Variants in DNAH14 observed in about 807,000 individuals in gnomAD.
The protein encoded by DNAH14 is axonemal beta dynein heavy chain 14.
A neutral mutation model predicts 520.9 loss-of-function variants in DNAH14; 478 were observed. That is an observed-to-expected ratio of 0.92 (90% CI 0.85 to 0.99). DNAH14 has a LOEUF of 0.99. Among genes scored for constraint, DNAH14 ranks in the 50% least tolerant of loss-of-function variants. The pLI, the probability that DNAH14 is intolerant of heterozygous loss-of-function variation, is 0.00. For synonymous variants in DNAH14, 1,581 were observed against 1,757.2 expected (o/e 0.90, Z 2.51); for missense variants, 4,831 against 5,234.5 (o/e 0.92, Z 2.38).
chr1:225,114,747 G>C (rs1227195915), intron 23 of DNAH14, among the ~76,000 whole-genome samples: 1 of 152,126 alleles, frequency 6.6e-6, no homozygotes, highest in South Asian at 2.1e-4. Context: ...TATGTCCAGT[G>C]TTGGCAGCAC....
At chr1:225,043,543 A>G (rs1394471876) in intron 13 of DNAH14, among the ~76,000 whole-genome samples, 1 of 152,208 alleles carries the variant, frequency 6.6e-6, no homozygotes, top group African/African-American at 2.4e-5. Context: ...CAAGAGGAAC[A>G]ACATCTAGGA....
chr1:225,202,640 T>C (rs1210644096), intron 38 of DNAH14, among the ~76,000 whole-genome samples: 2 of 152,176 alleles, frequency 1.3e-5, no homozygotes, highest in Non-Finnish European at 2.9e-5. Context: ...CAAGTAGGGC[T>C]TTCATGCTTC....
chr1:225,182,298 A>G (rs779675446), intron 36 of DNAH14, among the ~76,000 whole-genome samples: 35 of 152,228 alleles, frequency 2.3e-4, no homozygotes, highest in Non-Finnish European at 4.7e-4. Context: ...AAAGTCTTGG[A>G]AAAATGATTA....
At chr1:225,373,693 GGAA>G (rs1376211918) in intron 77 of DNAH14, among the ~76,000 whole-genome samples, 1 of 152,162 alleles carries the variant, frequency 6.6e-6, no homozygotes, top group Non-Finnish European at 1.5e-5. Context: ...AGTCGGGAGT[GGAA>G]GAAAACTTAC....
At chr1:224,948,338 T>C (rs1353417030) in intron 1 of DNAH14, among the ~76,000 whole-genome samples, 1 of 151,840 alleles carries the variant, frequency 6.6e-6, no homozygotes, top group Non-Finnish European at 1.5e-5. Context: ...TATCTTTCTA[T>C]CTAGTGACTC....
chr1:225,386,395 T>A (rs1314640531), intron 81 of DNAH14, among the ~76,000 whole-genome samples: 1 of 152,108 alleles, frequency 6.6e-6, no homozygotes, highest in Non-Finnish European at 1.5e-5. Context: ...CTAATTAAAC[T>A]AAAGAGCTTC....
chr1:225,347,739 A>G (rs1453627407), intron 71 of DNAH14, among the ~76,000 whole-genome samples: 19 of 152,186 alleles, frequency 1.2e-4, no homozygotes, highest in Non-Finnish European at 2.5e-4. Flanking sequence ...CACGAAGCCA[A>G]TACCAAAGAC....
At chr1:225,237,532 G>T (rs569821519) in intron 42 of DNAH14, among the ~76,000 whole-genome samples, 10 of 152,228 alleles carry the variant, frequency 6.6e-5, no homozygotes, top group African/African-American at 2.2e-4. Flanking sequence ...CTCTCTGGCT[G>T]CCCTTAACAT....
intron 1 of DNAH14, among the ~76,000 whole-genome samples, chr1:224,948,280 C>T (rs928772713): frequency 1.3e-5 from 2 of 151,396 alleles, no homozygotes; most frequent in African/African-American, 2.4e-5. Context: ...CCAAACTCTT[C>T]TGTTTTATTT....
chr1:225,292,734 G>A (rs2093920501), intron 55 of DNAH14, among the ~76,000 whole-genome samples: 2 of 151,938 alleles, frequency 1.3e-5, no homozygotes, highest in South Asian at 4.2e-4. Context: ...CATGAACATG[G>A]GATGTCTTTC....
At chr1:225,220,671 A>T (rs1418341183) in intron 41 of DNAH14, among the ~76,000 whole-genome samples, 1 of 152,136 alleles carries the variant, frequency 6.6e-6, no homozygotes, top group Non-Finnish European at 1.5e-5. Flanking sequence ...ACAAATGGAA[A>T]AATATTCCAT....
At chr1:225,301,860 T>C (rs2094145116) in intron 56 of DNAH14, among the ~76,000 whole-genome samples, 1 of 152,030 alleles carries the variant, frequency 6.6e-6, no homozygotes, top group Admixed American at 6.6e-5. Flanking sequence ...CAAGATAATA[T>C]GAGTGGATAT....
intron 54 of DNAH14, among the ~76,000 whole-genome samples, chr1:225,280,448 A>T (rs1485830691): frequency 1.3e-5 from 2 of 151,932 alleles, no homozygotes; most frequent in Non-Finnish European, 2.9e-5. Context: ...AAATACAAAA[A>T]ATTAGCCGGG....
intron 21 of DNAH14, among the ~76,000 whole-genome samples, chr1:225,088,891 G>A (rs1475527259): frequency 6.6e-6 from 1 of 152,144 alleles, no homozygotes; most frequent in Non-Finnish European, 1.5e-5. Context: ...TACTCAAGAA[G>A]AAATGGATAA....
intron 41 of DNAH14, among the ~76,000 whole-genome samples, chr1:225,227,821 G>A (rs1026213072): frequency 6.6e-6 from 1 of 152,094 alleles, no homozygotes; most frequent in Non-Finnish European, 1.5e-5. Context: ...TATTACGAAC[G>A]TTATTCATAA....
At chr1:225,254,783 T>C (rs2092681120) in intron 44 of DNAH14, among the ~76,000 whole-genome samples, 1 of 152,136 alleles carries the variant, frequency 6.6e-6, no homozygotes, top group African/African-American at 2.4e-5. Flanking sequence ...ACCTAAGTTT[T>C]TCTCCAGAGC....
chr1:225,128,680 G>A (rs2078044293), intron 27 of DNAH14, among the ~76,000 whole-genome samples: 1 of 151,932 alleles, frequency 6.6e-6, no homozygotes, highest in Admixed American at 6.6e-5. Context: ...AATAATAAGA[G>A]CTATCTATGA....
intron 51 of DNAH14, 140 bp from the exon 52 acceptor site, chr1:225,272,815 A>T: frequency 1.2e-6 from 1 of 842,172 alleles, no homozygotes; most frequent in Non-Finnish European, 1.7e-6. Flanking sequence ...TCAGATTATC[A>T]CTTGTAGAAA....
chr1:224,939,918 T>C (rs1224934810), intron 1 of DNAH14, among the ~76,000 whole-genome samples: 1 of 152,320 alleles, frequency 6.6e-6, no homozygotes, highest in Non-Finnish European at 1.5e-5. Context: ...TTGTCACATA[T>C]ATGTTAAATG....
Sources: gnomAD v4.1 joint callset for allele counts (sites outside exome capture counted in the v4.1 genomes callset) on GRCh38, gnomAD v4.1.1 for gene constraint, MANE v1.5 for transcripts, NCBI Gene and HGNC (gene_info 2026-07-23, HGNC 2026-07-21) for gene names.